The following FXYD6 variants were observed in gnomAD, a reference collection of about 807,000 sequenced individuals.
FXYD6 encodes FXYD domain containing ion transport regulator 6.
FXYD6 carries 7 observed loss-of-function variants against 16.7 expected under a neutral mutation model. The ratio of observed to expected loss-of-function variants is 0.42; its 90% CI spans 0.24 to 0.79. FXYD6 has a LOEUF of 0.79. Ranked by LOEUF, FXYD6 falls within the 30% of genes least tolerant of loss-of-function variation. The pLI is 0.28. For missense variants in FXYD6, 111 were observed against 116.2 expected, an observed-to-expected ratio of 0.95 and a Z score of 0.21; for synonymous variants, 49 against 43.0, an observed-to-expected ratio of 1.14 and a Z score of -0.54.
At chr11:117,857,597 C>T (rs1334456295) in intron 1 of FXYD6, among the ~76,000 whole-genome samples, 4 of 151,900 alleles carry the variant, frequency 2.6e-5, no homozygotes, top group South Asian at 4.2e-4. Flanking sequence ...TTAGTAGAGA[C>T]GGAGTTTCAC....
intron 1 of FXYD6, 88 bp from the exon 2 acceptor site, chr11:117,842,869 C>T: frequency 1.4e-6 from 2 of 1,384,674 alleles, no homozygotes; most frequent in South Asian, 2.5e-5. Context: ...GGGGCCAAGC[C>T]AAATCCCCAG....
At chr11:117,855,804 C>T (rs974653317) in intron 1 of FXYD6, among the ~76,000 whole-genome samples, 4 of 152,154 alleles carry the variant, frequency 2.6e-5, no homozygotes, top group Non-Finnish European at 4.4e-5. Context: ...GGACCTGGCT[C>T]GCCAGCACAG....
At chr11:117,841,264 C>T in intron 4 of FXYD6, 80 bp from the exon 5 acceptor site, 1 of 1,599,130 alleles carries the variant, frequency 6.3e-7, no homozygotes, top group South Asian at 1.1e-5. Context: ...GGTTGTGGGA[C>T]TATGTAAATG....
chr11:117,850,692 T>C (rs1206576683), intron 1 of FXYD6, among the ~76,000 whole-genome samples: 1 of 152,142 alleles, frequency 6.6e-6, no homozygotes, highest in African/African-American at 2.4e-5. Flanking sequence ...GCGGTCTCAC[T>C]ATGTTACGTA....
intron 1 of FXYD6, among the ~76,000 whole-genome samples, chr11:117,860,331 C>T (rs1188698575): frequency 6.6e-6 from 1 of 152,202 alleles, no homozygotes; most frequent in Non-Finnish European, 1.5e-5. Flanking sequence ...ACCCTGTTTT[C>T]TCATTCCCAT....
chr11:117,841,089 G>T (rs2056329820), intron 5 of FXYD6, 59 bp downstream of exon 5: 15 of 1,604,698 alleles, frequency 9.3e-6, no homozygotes, highest in African/African-American at 6.7e-5. Flanking sequence ...ACACACCAGG[G>T]GTCCCTTCCT....
intron 1 of FXYD6, among the ~76,000 whole-genome samples, chr11:117,856,706 G>A (rs1295126444): frequency 3.3e-5 from 5 of 152,134 alleles, no homozygotes; most frequent in African/African-American, 4.8e-5. Context: ...AAAAAGATTC[G>A]ACTGTGTATA....
At chr11:117,865,718 G>A (rs1179445980) in intron 1 of FXYD6, among the ~76,000 whole-genome samples, 2 of 152,084 alleles carry the variant, frequency 1.3e-5, no homozygotes, top group Non-Finnish European at 2.9e-5. Flanking sequence ...CTGAGGTCAA[G>A]AGTTCGAGAC....
intron 1 of FXYD6, among the ~76,000 whole-genome samples, chr11:117,865,060 A>G (rs892282021): frequency 2.9e-4 from 44 of 152,352 alleles, no homozygotes; most frequent in African/African-American, 1.0e-3. Flanking sequence ...AATAACTTGA[A>G]CTAACATTTC....
At chr11:117,844,755 C>T (rs1249461949) in intron 1 of FXYD6, among the ~76,000 whole-genome samples, 3 of 152,224 alleles carry the variant, frequency 2.0e-5, no homozygotes, top group South Asian at 2.1e-4. Flanking sequence ...CCTCCCAGAG[C>T]GCTGGAATTA....
At chr11:117,868,320 A>G (rs562623185) in intron 1 of FXYD6, among the ~76,000 whole-genome samples, 1 of 152,314 alleles carries the variant, frequency 6.6e-6, no homozygotes, top group South Asian at 2.1e-4. Flanking sequence ...CAGTCCCATC[A>G]ACGTCAACAG....
In FXYD6 at chr11:117,872,803, T is replaced by C. The variant is rs1301271526; in HGVS notation, c.-6+3789A>G. 6.6e-6 allele frequency among the ~76,000 whole-genome samples: 1 copy of C among 152,186 alleles called. No homozygotes were observed. The highest frequency in any genetic ancestry group is 2.4e-5 in the African/African-American group (1 of 41,438). Reference sequence around the variant, plus strand: ...AGGTCGGGACCTCTCCCTCCCCGGATTCTGGAGCAGAGATGATGCTGCCAA... The same window carrying C: ...AGGTCGGGACCTCTCCCTCCCCGGACTCTGGAGCAGAGATGATGCTGCCAA... On this transcript the variant is annotated intron_variant, in intron 1 of 7. Transcript: ENST00000526014. This position sits in a 1 kb window ranked among gnomAD's most constrained non-coding sequence, Gnocchi z 4.9.
At chr11:117,860,366 G>A (rs537851121) in intron 1 of FXYD6, among the ~76,000 whole-genome samples, 47 of 152,292 alleles carry the variant, frequency 3.1e-4, no homozygotes, top group African/African-American at 1.0e-3. Context: ...CTGAGGCAGC[G>A]AGATACAGGT....
Position 117,840,301 on chromosome 11 carries a change from G to C in FXYD6, c.259+18C>G, listed in dbSNP as rs1471490080. On this transcript the variant is annotated intron_variant, in intron 6 of 7. Coordinates refer to ENST00000526014, the MANE Select transcript of FXYD6 (RefSeq NM_022003.4). ...TGTTCCCTCTTTTCCACCTGGGCAG[G>C]TGGTCACGGACAGTTACCATTGGCG... 1 of 1,614,142 alleles carries C rather than the reference G, an allele frequency of 6.2e-7. No homozygotes were observed. Among genetic ancestry groups the C allele is most frequent in the South Asian group, 1.1e-5 (1 of 91,078 alleles).
At chr11:117,847,935 G>T (rs1423436248) in intron 1 of FXYD6, among the ~76,000 whole-genome samples, 2 of 152,162 alleles carry the variant, frequency 1.3e-5, no homozygotes, top group Admixed American at 6.5e-5. Flanking sequence ...CTGAGGAATT[G>T]CCACACTGAC....
At position 117,870,258 on chromosome 11, in the gene FXYD6, C is replaced by G. The variant is rs570057415; in HGVS notation, c.-6+6334G>C. 6.6e-6 allele frequency among the ~76,000 whole-genome samples: 1 copy of G among 152,376 alleles called. No homozygotes were observed. Among genetic ancestry groups the G allele is most frequent in the South Asian group, 2.1e-4 (1 of 4,830 alleles). ...AGGCCCCTCTGGTTCCCCAGGAGAT[C>G]TCGGTCTGGCTCCAGAGAGTCTGAA... On this transcript the variant is annotated intron_variant, in intron 1 of 7. Transcript: ENST00000526014. The surrounding 1 kb of genome is among the most constrained non-coding windows in gnomAD (Gnocchi z 4.2).
intron 5 of FXYD6, 94 bp from the exon 6 acceptor site, chr11:117,840,462 A>G: frequency 6.4e-7 from 1 of 1,553,626 alleles, no homozygotes; most frequent in East Asian, 2.3e-5. Context: ...AGCTGCCTGC[A>G]GTCAGGCTCC....
At chr11:117,851,624 AT>A (rs1448216875) in intron 1 of FXYD6, among the ~76,000 whole-genome samples, 1 of 152,208 alleles carries the variant, frequency 6.6e-6, no homozygotes, top group African/African-American at 2.4e-5. Flanking sequence ...ATATGTACTG[AT>A]TTGTTCACCA....
chr11:117,842,546 T>C (rs2056374036), intron 2 of FXYD6, among the ~76,000 whole-genome samples, 173 bp downstream of exon 2: 1 of 152,080 alleles, frequency 6.6e-6, no homozygotes, highest in African/African-American at 2.4e-5. Context: ...TGTGAATAAA[T>C]AGCTGCCACC....
Sources: gnomAD v4.1 joint callset for allele counts (sites outside exome capture counted in the v4.1 genomes callset) on GRCh38, gnomAD v4.1.1 for gene constraint, Gnocchi (gnomAD v3.1) non-coding constraint, MANE v1.5 for transcripts, NCBI Gene and HGNC (gene_info 2026-07-23, HGNC 2026-07-21) for gene names.